The following KIF2A variants were observed in gnomAD, a reference collection of about 807,000 sequenced individuals.
KIF2A encodes the protein kinesin family member 2A.
Under a neutral mutation model 100.2 loss-of-function variants are expected in KIF2A, and 22 were observed. The observed-to-expected ratio is 0.22, with a 90% CI of 0.16 to 0.31. The LOEUF is 0.31. KIF2A is among the 10% of genes least tolerant of loss of function. The probability of loss-of-function intolerance (pLI) is 1.00; values close to 1 mark genes in which losing one functional copy is unlikely to be tolerated. For missense variants in KIF2A, 495 were observed against 898.7 expected, an observed-to-expected ratio of 0.55 and a Z score of 5.74; for synonymous variants, 268 against 285.9, an observed-to-expected ratio of 0.94 and a Z score of 0.63.
chr5:62,360,307 T>C (rs914065775), intron 9 of KIF2A, among the ~76,000 whole-genome samples: 2 of 152,116 alleles, frequency 1.3e-5, no homozygotes, highest in African/African-American at 2.4e-5. Context: ...TACTTTTTAG[T>C]GTACTGCTCA....
chr5:62,334,290 T>C (rs1746814844), intron 1 of KIF2A, among the ~76,000 whole-genome samples: 1 of 151,858 alleles, frequency 6.6e-6, no homozygotes, highest in South Asian at 2.1e-4. Flanking sequence ...TGGGTCCAGG[T>C]CATGATGCCC....
chr5:62,365,408 C>A, intron 15 of KIF2A, 55 bp downstream of exon 15: 1 of 852,844 alleles, frequency 1.2e-6, no homozygotes, highest in Non-Finnish European at 1.9e-6. Flanking sequence ...GGAATAACTA[C>A]ACAATATTTA....
intron 1 of KIF2A, among the ~76,000 whole-genome samples, chr5:62,326,016 G>C (rs1225398797): frequency 6.6e-6 from 1 of 152,068 alleles, no homozygotes; most frequent in East Asian, 1.9e-4. Flanking sequence ...ACTAGCTGTT[G>C]GGTACTCTGC....
At chr5:62,374,590 TTAAAG>T (rs1193041074) in intron 18 of KIF2A, among the ~76,000 whole-genome samples, 1 of 152,174 alleles carries the variant, frequency 6.6e-6, no homozygotes, top group Non-Finnish European at 1.5e-5. Context: ...TGGGAAAAAT[TTAAAG>T]TAATATAGGG....
chr5:62,383,209 G>A (rs1045981336), intron 20 of KIF2A, among the ~76,000 whole-genome samples: 2 of 142,232 alleles, frequency 1.4e-5, no homozygotes, highest in Admixed American at 1.4e-4. Context: ...TTACAGGCAT[G>A]AGCCACCATG....
chr5:62,346,962 C>T (rs528418417), intron 1 of KIF2A, among the ~76,000 whole-genome samples, 168 bp from the exon 2 acceptor site: 2 of 152,172 alleles, frequency 1.3e-5, no homozygotes, highest in South Asian at 4.2e-4. Flanking sequence ...GATTTATGGC[C>T]CCGTGGACAA....
intron 14 of KIF2A, 61 bp downstream of exon 14, chr5:62,363,960 C>A: frequency 7.5e-7 from 1 of 1,338,040 alleles, no homozygotes; most frequent in Non-Finnish European, 1.0e-6. Flanking sequence ...TTTCTTTACT[C>A]AGTTGCAAAA....
At chr5:62,373,592 T>G in intron 17 of KIF2A, 95 bp from the exon 18 acceptor site, 1 of 831,954 alleles carries the variant, frequency 1.2e-6, no homozygotes, top group Non-Finnish European at 2.0e-6. Flanking sequence ...AATCTTAGTA[T>G]GTTAACTGAA....
chr5:62,306,326 G>A lies in KIF2A; in HGVS notation c.-147G>A. ...GCCTGCTTCCCCACAGCTGCTCCTT[G>A]CGGCCCCGCTTGCGTTCACGCTGTC... On this transcript the variant is annotated 5_prime_UTR_variant, in exon 1 of 21. Transcript: ENST00000407818. 1 of 657,178 alleles carries A rather than the reference G, an allele frequency of 1.5e-6. No individual in the cohort carries two copies. Among genetic ancestry groups the A allele is most frequent in the South Asian group, 1.9e-5 (1 of 53,994 alleles). 40.7% of individuals were successfully genotyped at this position (657,178 alleles called of 1,614,324 possible). A position where few individuals can be genotyped will look rare whatever the true frequency, so the allele number is the denominator to read the frequency against.
chr5:62,389,168 C>A lies in KIF2A; in HGVS notation c.*3599C>A. ...GAATACAGCATGCTTACAGAGCCCACCCACTCCTAATACTAGTTATTAAAG... is the reference window on the plus strand; with the variant it reads ...GAATACAGCATGCTTACAGAGCCCAACCACTCCTAATACTAGTTATTAAAG... On this transcript the variant is annotated 3_prime_UTR_variant, in exon 21 of 21. Coordinates refer to ENST00000407818, the MANE Select transcript of KIF2A (RefSeq NM_001098511.3). The A allele has an allele frequency of 1.2e-6, 1 of 862,224 alleles. No homozygotes were observed. The highest frequency in any genetic ancestry group is 2.8e-5 in the Admixed American group (1 of 35,504). The allele number at this position is 862,224 out of a possible 1,614,324, so 53.4% of individuals were successfully genotyped here. A position where few individuals can be genotyped will look rare whatever the true frequency, so the allele number is the denominator to read the frequency against.
intron 1 of KIF2A, among the ~76,000 whole-genome samples, chr5:62,339,834 C>T (rs950734937): frequency 2.7e-5 from 4 of 148,280 alleles, no homozygotes; most frequent in Non-Finnish European, 5.9e-5. Flanking sequence ...GAGAAGTAAA[C>T]TGTTTAGATT....
At chr5:62,385,153 A>G (rs1344620575) in intron 20 of KIF2A, among the ~76,000 whole-genome samples, 2 of 152,056 alleles carry the variant, frequency 1.3e-5, no homozygotes, top group East Asian at 3.9e-4. Context: ...AAAAAAAAAA[A>G]GGTAGACTAT....
chr5:62,380,425 A>G (rs1313946949), intron 19 of KIF2A, among the ~76,000 whole-genome samples: 4 of 152,200 alleles, frequency 2.6e-5, no homozygotes, highest in Non-Finnish European at 4.4e-5. Context: ...GAGTAAAGAT[A>G]GAGAAATGAA....
chr5:62,363,779 A>G lies in KIF2A; in HGVS notation c.1347A>G (p.Leu449=), dbSNP rs1448809172. The G allele has an allele frequency of 1.5e-5, 24 of 1,613,946 alleles. No individual in the cohort carries two copies. Among genetic ancestry groups the G allele is most frequent in the Non-Finnish European group, 2.0e-5 (24 of 1,179,828 alleles). ...TTATTCTTAGAAGGAAAGGAAAACT[A>G]CATGGCAAATTTTCTCTCATTGATT... ...FQIILRRKGK[L]HGKFSLIDLA... The change falls in exon 14 of 21, where the codon CTA becomes CTG. Residue 449 remains leucine (L), a synonymous_variant. Coordinates refer to ENST00000407818, the MANE Select transcript of KIF2A (RefSeq NM_001098511.3).
intron 19 of KIF2A, among the ~76,000 whole-genome samples, chr5:62,380,198 TTTA>T (rs1232024207): frequency 5.3e-5 from 8 of 152,186 alleles, no homozygotes; most frequent in Non-Finnish European, 1.2e-4. Context: ...CCAGCTGGAA[TTTA>T]TTATTACCTC....
At position 62,324,462 on chromosome 5, in the gene KIF2A, C is replaced by T. The variant is rs74528755; in HGVS notation, c.64+17926C>T. Among the ~76,000 whole-genome samples the T allele has an allele frequency of 3.4e-3, 524 of 152,308 alleles. 2 individuals carry two copies. The highest frequency in any genetic ancestry group is 0.012 in the African/African-American group (497 of 41,568). ...TATACTACCCCCATTTCAAGCTGTA[C>T]TGCAAAGCTGCAGTAACCAAAACAG... On this transcript the variant is annotated intron_variant, in intron 1 of 20. Coordinates refer to ENST00000407818, the MANE Select transcript of KIF2A (RefSeq NM_001098511.3).
intron 1 of KIF2A, among the ~76,000 whole-genome samples, chr5:62,333,825 A>T (rs1464206081): frequency 6.6e-6 from 1 of 152,082 alleles, no homozygotes; most frequent in Non-Finnish European, 1.5e-5. Context: ...TGCCCTTCAC[A>T]CAAGTATGAT....
At chr5:62,362,703 T>A (rs1157557745) in intron 12 of KIF2A, among the ~76,000 whole-genome samples, 162 bp downstream of exon 12, 1 of 152,200 alleles carries the variant, frequency 6.6e-6, no homozygotes, top group African/African-American at 2.4e-5. Context: ...ATATTAGAAT[T>A]TATGTTATGA....
intron 1 of KIF2A, among the ~76,000 whole-genome samples, chr5:62,327,920 A>G (rs1746459445): frequency 6.6e-6 from 1 of 152,222 alleles, no homozygotes; most frequent in South Asian, 2.1e-4. Flanking sequence ...GTTAGGATGT[A>G]TGCATAAGAG....
Sources: allele counts gnomAD v4.1 joint callset (sites outside exome capture counted in the v4.1 genomes callset), GRCh38; gene constraint gnomAD v4.1.1; transcripts MANE v1.5; gene names NCBI Gene and HGNC (gene_info 2026-07-23, HGNC 2026-07-21).